The following COL13A1 variants were observed in gnomAD, a reference collection of about 807,000 sequenced individuals.
The protein encoded by COL13A1 is collagen type XIII alpha 1 chain, also known as collagen alpha-1(XIII) chain.
A neutral mutation model predicts 130.9 loss-of-function variants in COL13A1; 89 were observed. That is an observed-to-expected ratio of 0.68 (90% CI 0.57 to 0.81). COL13A1 has a LOEUF of 0.81. COL13A1 is among the 30% of genes least tolerant of loss of function. COL13A1 has a pLI of 0.00. For synonymous variants in COL13A1, 402 were observed against 341.6 expected (o/e 1.18, Z -1.95); for missense variants, 879 against 934.6 (o/e 0.94, Z 0.78).
At chr10:69,939,849 G>A (rs949158657) in intron 34 of COL13A1, among the ~76,000 whole-genome samples, 1 of 152,204 alleles carries the variant, frequency 6.6e-6, no homozygotes, top group Non-Finnish European at 1.5e-5. Context: ...TCCCAGAATC[G>A]TGTGGTCCTA....
chr10:69,894,156 T>A (rs2061428484), intron 10 of COL13A1, among the ~76,000 whole-genome samples: 1 of 152,208 alleles, frequency 6.6e-6, no homozygotes, highest in African/African-American at 2.4e-5. Context: ...TTCTTCTGGT[T>A]CAGTGGGCTT....
chr10:69,868,412 C>T (rs1487624522), intron 3 of COL13A1, among the ~76,000 whole-genome samples: 2 of 152,076 alleles, frequency 1.3e-5, no homozygotes, highest in Non-Finnish European at 2.9e-5. Flanking sequence ...CCTGGCCTTG[C>T]TAGGAAGCCC....
At chr10:69,879,976 A>G (rs1245625703) in intron 6 of COL13A1, among the ~76,000 whole-genome samples, 1 of 151,890 alleles carries the variant, frequency 6.6e-6, no homozygotes, top group Non-Finnish European at 1.5e-5. Context: ...TCACAGTCCC[A>G]TTCTCGGGCA....
intron 4 of COL13A1, among the ~76,000 whole-genome samples, chr10:69,874,584 A>G (rs898172727): frequency 2.0e-5 from 3 of 152,090 alleles, no homozygotes; most frequent in South Asian, 2.1e-4. Context: ...TCAGTACTGG[A>G]GGTGGCCGAG....
chr10:69,916,309 C>A (rs538648790), intron 17 of COL13A1, among the ~76,000 whole-genome samples: 3 of 152,248 alleles, frequency 2.0e-5, no homozygotes, highest in Non-Finnish European at 4.4e-5. Flanking sequence ...CCATCCACAG[C>A]GCTGGCCTTC....
intron 17 of COL13A1, among the ~76,000 whole-genome samples, chr10:69,914,907 C>A (rs562037381): frequency 6.6e-6 from 1 of 152,226 alleles, no homozygotes; most frequent in Non-Finnish European, 1.5e-5. Context: ...GGCCCCCACA[C>A]TCTGACCCCT....
chr10:69,893,495 G>A (rs143277377), intron 10 of COL13A1, among the ~76,000 whole-genome samples: 1 of 152,358 alleles, frequency 6.6e-6, no homozygotes, highest in African/African-American at 2.4e-5. Flanking sequence ...GGCAAGCGGG[G>A]AGCAGGAACA....
In COL13A1 at chr10:69,903,372, G is replaced by A. The variant is rs372927350; in HGVS notation, c.858+517G>A. On this transcript the variant is annotated intron_variant, in intron 15 of 40. Transcript: ENST00000645393. ...AAGCCTGAGGATGCATCAAGCCTGCGGGGCCTGCAGGGTCACTGCCTGGAG... is the reference window on the plus strand; with the variant it reads ...AAGCCTGAGGATGCATCAAGCCTGCAGGGCCTGCAGGGTCACTGCCTGGAG... Among the ~76,000 whole-genome samples the A allele has an allele frequency of 2.4e-4, 37 of 152,322 alleles. No homozygotes were observed. The Middle Eastern group carries it at 0.014, about 56-fold the overall frequency.
chr10:69,878,725 G>A (rs560039572), intron 6 of COL13A1, among the ~76,000 whole-genome samples: 8 of 152,246 alleles, frequency 5.3e-5, no homozygotes, highest in Admixed American at 1.3e-4. Context: ...CAGGTGATCC[G>A]CCCACTTGTC....
At chr10:69,894,474 C>A in intron 10 of COL13A1, 78 bp from the exon 11 acceptor site, 1 of 1,562,772 alleles carries the variant, frequency 6.4e-7, no homozygotes, top group South Asian at 1.1e-5. Context: ...GATTCAGCCC[C>A]AATCCCCACC....
rs377500873 is a variant in COL13A1 at position 69,923,825 on chromosome 10, G to A, written c.1254G>A (p.Gln418=). 21 of 1,611,778 alleles carry A rather than the reference G, an allele frequency of 1.3e-5. No individual in the cohort carries two copies. The highest frequency in any genetic ancestry group is 8.9e-5 in the East Asian group (4 of 44,844). Residue 418 remains glutamine, a synonymous_variant, in exon 24 of 41, where the codon CAG becomes CAA. Transcript: ENST00000645393. The stretch of plus-strand genomic sequence containing the variant: ...AGGGAGAAGCAGGTGTCGATGGCCA[G>A]GTTGGCCCCCCAGGGCAGCCAGGAG... The part of the protein sequence containing the change: ...GPKGEAGVDG[Q]VGPPGQPGDK...
chr10:69,864,247 G>A lies in COL13A1; in HGVS notation c.365-3551G>A, dbSNP rs545032628. Among the ~76,000 whole-genome samples, 4 of 152,270 alleles carry A rather than the reference G, an allele frequency of 2.6e-5. No individual in the cohort carries two copies. In the East Asian group the frequency reaches 7.7e-4, roughly 29 times the overall value. On this transcript the variant is annotated intron_variant, in intron 2 of 40. Coordinates refer to ENST00000645393, the MANE Select transcript of COL13A1 (RefSeq NM_001368882.1). ...TTCACAAGGTTGTTATAAAGACAAAGTGCGGTGTTATAGTTACCATGCTTA... is the reference window on the plus strand; with the variant it reads ...TTCACAAGGTTGTTATAAAGACAAAATGCGGTGTTATAGTTACCATGCTTA...
At position 69,874,883 on chromosome 10, in the gene COL13A1, A is replaced by G. The variant is rs2763360; in HGVS notation, c.400-245A>G. ...AGGCTGGGACCAGACTCCTCCTTCC[A>G]TGCTCTTTCCACAACACTCATGCCT... On this transcript the variant is annotated intron_variant, in intron 4 of 40. Coordinates refer to ENST00000645393, the MANE Select transcript of COL13A1 (RefSeq NM_001368882.1). Among the ~76,000 whole-genome samples, 143,145 of 152,250 alleles carry G rather than the reference A, an allele frequency of 0.94. 67,936 individuals carry two copies. Among genetic ancestry groups the G allele is most frequent in the East Asian group, 1 (5,169 of 5,170 alleles).
intron 17 of COL13A1, among the ~76,000 whole-genome samples, chr10:69,916,912 T>G (rs2063989328): frequency 6.6e-6 from 1 of 152,104 alleles, no homozygotes; most frequent in Non-Finnish European, 1.5e-5. Flanking sequence ...AGGGAAGGTG[T>G]GCAGTAGGTA....
intron 17 of COL13A1, among the ~76,000 whole-genome samples, chr10:69,906,235 T>C (rs1267389320): frequency 1.3e-5 from 2 of 152,252 alleles, no homozygotes; most frequent in Admixed American, 6.5e-5. Flanking sequence ...GAACTCAACC[T>C]TGATGAATGG....
At chr10:69,947,010 G>A (rs182747314) in intron 37 of COL13A1, among the ~76,000 whole-genome samples, 43 of 152,236 alleles carry the variant, frequency 2.8e-4, no homozygotes, top group African/African-American at 1.0e-3. Flanking sequence ...GGATGGTTTC[G>A]ATCTCTGGAC....
At chr10:69,933,158 A>C (rs972910743) in intron 31 of COL13A1, among the ~76,000 whole-genome samples, 2 of 148,186 alleles carry the variant, frequency 1.3e-5, no homozygotes, top group African/African-American at 5.1e-5. Flanking sequence ...AAAAAAAAAA[A>C]AAAAAAAAAC....
intron 2 of COL13A1, chr10:69,824,186 T>C (rs1261558433): frequency 1.3e-5 from 6 of 471,454 alleles, no homozygotes; most frequent in Non-Finnish European, 2.2e-5. Context: ...AGGTAGAGAT[T>C]CCTCGAGATA....
At chr10:69,825,380 A>AT (rs1374453023) in intron 2 of COL13A1, among the ~76,000 whole-genome samples, 1 of 152,180 alleles carries the variant, frequency 6.6e-6, no homozygotes, top group Non-Finnish European at 1.5e-5. Context: ...GCCACATACA[A>AT]ATTCAAAGCT....
Sources: allele counts gnomAD v4.1 joint callset (sites outside exome capture counted in the v4.1 genomes callset), GRCh38; gene constraint gnomAD v4.1.1; transcripts MANE v1.5; gene names NCBI Gene and HGNC (gene_info 2026-07-23, HGNC 2026-07-21).